The following HS6ST3 variants were observed in gnomAD, a reference collection of about 807,000 sequenced individuals.
The protein encoded by HS6ST3 is heparan sulfate 6-O-sulfotransferase 3.
In HS6ST3, 12 loss-of-function variants were observed where a neutral mutation model predicts 36.7. That is an observed-to-expected ratio of 0.33 (90% CI 0.21 to 0.53). The LOEUF (loss-of-function observed/expected upper bound fraction) is 0.53, where lower values mean the gene tolerates loss of function less well. Among genes scored for constraint, HS6ST3 ranks in the 20% least tolerant of loss-of-function variants. The pLI is 0.95. For synonymous variants in HS6ST3, 240 were observed against 257.5 expected, an observed-to-expected ratio of 0.93 and a Z score of 0.65; for missense variants, 584 against 640.9, an observed-to-expected ratio of 0.91 and a Z score of 0.96.
chr13:96,798,901 G>A (rs992325725), intron 1 of HS6ST3, among the ~76,000 whole-genome samples: 5 of 152,104 alleles, frequency 3.3e-5, no homozygotes, highest in African/African-American at 1.2e-4. Context: ...GCTTGCAAAT[G>A]ACCACTTTCT....
At chr13:96,618,002 A>G (rs2056480623) in intron 1 of HS6ST3, among the ~76,000 whole-genome samples, 1 of 152,226 alleles carries the variant, frequency 6.6e-6, no homozygotes, top group Admixed American at 6.5e-5. Flanking sequence ...ACTCAATAGT[A>G]TACATGGGTT....
chr13:96,538,977 G>T (rs1007486247), intron 1 of HS6ST3, among the ~76,000 whole-genome samples: 1 of 152,068 alleles, frequency 6.6e-6, no homozygotes, highest in Non-Finnish European at 1.5e-5. Context: ...TGTTTTTCAC[G>T]TGATCTCAAC....
chr13:96,264,742 G>A (rs181043888), intron 1 of HS6ST3, among the ~76,000 whole-genome samples: 12 of 152,168 alleles, frequency 7.9e-5, no homozygotes, highest in Non-Finnish European at 1.8e-4. Context: ...GCTCTCCAAA[G>A]CAATCCAGTG....
At chr13:96,546,541 CT>C (rs2056198355) in intron 1 of HS6ST3, among the ~76,000 whole-genome samples, 1 of 152,104 alleles carries the variant, frequency 6.6e-6, no homozygotes, top group East Asian at 1.9e-4. Flanking sequence ...GTTCACTCTT[CT>C]TTATAAATGA....
intron 1 of HS6ST3, among the ~76,000 whole-genome samples, chr13:96,701,139 T>C (rs2138452738): frequency 6.6e-6 from 1 of 152,354 alleles, no homozygotes; most frequent in South Asian, 2.1e-4. Flanking sequence ...ATAGTTGGAT[T>C]GATCTGTCAA....
intron 1 of HS6ST3, among the ~76,000 whole-genome samples, chr13:96,504,504 C>T (rs537784051): frequency 6.6e-6 from 1 of 151,298 alleles, no homozygotes; most frequent in South Asian, 2.1e-4. Context: ...AAGGAGACAT[C>T]GAGTAACAGA....
chr13:96,807,914 A>G (rs180830213), intron 1 of HS6ST3, among the ~76,000 whole-genome samples: 26 of 152,132 alleles, frequency 1.7e-4, no homozygotes, highest in African/African-American at 6.3e-4. Context: ...CTTTAACTGT[A>G]ATTTAAAAAG....
At chr13:96,160,376 T>C (rs2054130056) in intron 1 of HS6ST3, among the ~76,000 whole-genome samples, 1 of 152,192 alleles carries the variant, frequency 6.6e-6, no homozygotes, top group African/African-American at 2.4e-5. Flanking sequence ...TTCTAGAAGC[T>C]CTTTGAATTG....
At chr13:96,545,661 GTTAA>G (rs1242021326) in intron 1 of HS6ST3, among the ~76,000 whole-genome samples, 1 of 152,168 alleles carries the variant, frequency 6.6e-6, no homozygotes, top group Non-Finnish European at 1.5e-5. Context: ...TCTTTGAAAT[GTTAA>G]TTAGTTTCAA....
chr13:96,505,221 C>T (rs1050936656), intron 1 of HS6ST3, among the ~76,000 whole-genome samples: 34 of 152,104 alleles, frequency 2.2e-4, no homozygotes, highest in African/African-American at 7.5e-4. Context: ...AGGCAGGCTG[C>T]GGTTTAAATC....
chr13:96,098,224 T>C (rs905016319), intron 1 of HS6ST3, among the ~76,000 whole-genome samples: 1 of 152,198 alleles, frequency 6.6e-6, no homozygotes, highest in African/African-American at 2.4e-5. Context: ...AATCATTCAT[T>C]TGTGCTTTAG....
chr13:96,513,412 T>A (rs2056058905), intron 1 of HS6ST3, among the ~76,000 whole-genome samples: 1 of 152,198 alleles, frequency 6.6e-6, no homozygotes, highest in Admixed American at 6.5e-5. Context: ...TCTTTTCATG[T>A]CTGTATGCAT....
chr13:96,481,342 T>G (rs1049380076), intron 1 of HS6ST3, among the ~76,000 whole-genome samples: 1 of 152,360 alleles, frequency 6.6e-6, no homozygotes, highest in South Asian at 2.1e-4. Flanking sequence ...CTCTGTTCCC[T>G]GCTTTTCCTC....
chr13:96,325,226 A>G (rs531305991), intron 1 of HS6ST3, among the ~76,000 whole-genome samples: 1 of 152,294 alleles, frequency 6.6e-6, no homozygotes, highest in East Asian at 1.9e-4. Flanking sequence ...AGTATTTTTG[A>G]TAAGTATTTC....
chr13:96,423,874 T>C (rs1566357087), intron 1 of HS6ST3, among the ~76,000 whole-genome samples: 1 of 152,200 alleles, frequency 6.6e-6, no homozygotes, highest in Non-Finnish European at 1.5e-5. Context: ...TCTAGGTGAC[T>C]GCATAGCACG....
intron 1 of HS6ST3, among the ~76,000 whole-genome samples, chr13:96,095,446 A>G (rs1043371777): frequency 6.6e-6 from 1 of 152,184 alleles, no homozygotes. Context: ...AACCCTGTGG[A>G]TGTTATATTA....
At chr13:96,291,988 T>C (rs916303006) in intron 1 of HS6ST3, among the ~76,000 whole-genome samples, 1 of 152,292 alleles carries the variant, frequency 6.6e-6, no homozygotes, top group East Asian at 1.9e-4. Context: ...AGAGTTATGT[T>C]GTAAGTTTTT....
At chr13:96,449,100 T>C (rs2055714334) in intron 1 of HS6ST3, among the ~76,000 whole-genome samples, 1 of 152,214 alleles carries the variant, frequency 6.6e-6, no homozygotes, top group Non-Finnish European at 1.5e-5. Context: ...TAGCTGATAC[T>C]ACAGGCGCGT....
At chr13:96,323,460 A>G (rs2055014727) in intron 1 of HS6ST3, among the ~76,000 whole-genome samples, 1 of 152,200 alleles carries the variant, frequency 6.6e-6, no homozygotes, top group Non-Finnish European at 1.5e-5. Flanking sequence ...AGGTCTTCCT[A>G]ACTGCCCTCT....
Sources: gnomAD v4.1 joint callset for allele counts (sites outside exome capture counted in the v4.1 genomes callset) on GRCh38, gnomAD v4.1.1 for gene constraint, MANE v1.5 for transcripts, NCBI Gene and HGNC (gene_info 2026-07-23, HGNC 2026-07-21) for gene names.